Variants in LRP1B observed in about 807,000 individuals in gnomAD.
The protein encoded by LRP1B is LDL receptor related protein 1B, also known as low-density lipoprotein receptor-related protein 1B.
Under a neutral mutation model 556.6 loss-of-function variants are expected in LRP1B, and 217 were observed. The ratio of observed to expected loss-of-function variants is 0.39; its 90% CI spans 0.35 to 0.44. LRP1B has a LOEUF of 0.44. Ranked by LOEUF, LRP1B falls within the 20% of genes least tolerant of loss-of-function variation. The pLI, the probability that LRP1B is intolerant of heterozygous loss-of-function variation, is 1.00. For synonymous variants in LRP1B, 2,047 were observed against 1,865.8 expected (o/e 1.10, Z -2.50); for missense variants, 5,053 against 5,620.8 (o/e 0.90, Z 3.23).
At chr2:141,014,828 A>G (rs910076171) in intron 13 of LRP1B, among the ~76,000 whole-genome samples, 1 of 152,116 alleles carries the variant, frequency 6.6e-6, no homozygotes, top group Non-Finnish European at 1.5e-5. Context: ...ATGCCAACCA[A>G]TTGTACTTAT....
chr2:140,693,856 C>T (rs983734805), intron 41 of LRP1B, among the ~76,000 whole-genome samples: 11 of 151,952 alleles, frequency 7.2e-5, no homozygotes, highest in African/African-American at 1.5e-4. Context: ...TGCAGGCATA[C>T]GACAACATGC....
chr2:140,392,012 T>C (rs550921491), intron 66 of LRP1B, among the ~76,000 whole-genome samples: 2 of 152,234 alleles, frequency 1.3e-5, no homozygotes, highest in South Asian at 2.1e-4. Context: ...GCATGTAGCA[T>C]TGGGCAAATG....
intron 3 of LRP1B, among the ~76,000 whole-genome samples, chr2:141,329,124 A>C (rs1185858871): frequency 6.6e-6 from 1 of 152,154 alleles, no homozygotes; most frequent in Non-Finnish European, 1.5e-5. Context: ...ACAGTGGCTT[A>C]TGCCTGTAAT....
chr2:141,817,994 A>G (rs533053406), intron 1 of LRP1B, among the ~76,000 whole-genome samples: 3 of 152,290 alleles, frequency 2.0e-5, no homozygotes, highest in African/African-American at 7.2e-5. Flanking sequence ...GGATAGATAC[A>G]ATCTTCTGAA....
At chr2:141,157,780 G>A (rs947214507) in intron 7 of LRP1B, among the ~76,000 whole-genome samples, 4 of 152,228 alleles carry the variant, frequency 2.6e-5, no homozygotes, top group Admixed American at 6.5e-5. Context: ...AAAAGCTTAT[G>A]TAGGAACTTT....
intron 6 of LRP1B, among the ~76,000 whole-genome samples, chr2:141,192,477 A>G (rs1414687176): frequency 1.3e-5 from 2 of 151,972 alleles, no homozygotes; most frequent in Admixed American, 6.6e-5. Context: ...GAAAATAACC[A>G]TAATCATTTT....
intron 7 of LRP1B, among the ~76,000 whole-genome samples, chr2:141,153,922 T>C (rs932238509): frequency 6.6e-6 from 1 of 151,614 alleles, no homozygotes; most frequent in Non-Finnish European, 1.5e-5. Flanking sequence ...CTGCCACTCA[T>C]TTTAATGATT....
intron 35 of LRP1B, among the ~76,000 whole-genome samples, chr2:140,746,054 G>A (rs926851678): frequency 6.6e-6 from 1 of 151,970 alleles, no homozygotes; most frequent in Admixed American, 6.6e-5. Context: ...TGAGGATGAG[G>A]CCTATGACAT....
At chr2:141,467,096 ATATG>A (rs1682242825) in intron 3 of LRP1B, among the ~76,000 whole-genome samples, 1 of 4,850 alleles carries the variant, frequency 2.1e-4, no homozygotes, top group African/African-American at 2.7e-4. Context: ...ACACACATAT[ATATG>A]TGTATATATA....
intron 2 of LRP1B, among the ~76,000 whole-genome samples, chr2:141,586,579 A>T (rs1289513730): frequency 1.3e-5 from 2 of 152,192 alleles, no homozygotes; most frequent in Non-Finnish European, 2.9e-5. Flanking sequence ...TGGATATATG[A>T]TGATGTTTAT....
At chr2:141,314,828 G>GTATATA (rs1336670886) in intron 3 of LRP1B, among the ~76,000 whole-genome samples, 1 of 60,964 alleles carries the variant, frequency 1.6e-5, no homozygotes, top group South Asian at 5.2e-4. Context: ...ATATATATAT[G>GTATATA]TGTATATATA....
chr2:141,515,516 G>T lies in LRP1B; in HGVS notation c.206-34983C>A, dbSNP rs190437771. On this transcript the variant is annotated intron_variant, in intron 2 of 90. Coordinates refer to ENST00000389484, the MANE Select transcript of LRP1B (RefSeq NM_018557.3). ...CATTGGTAATAAAATATCAACAATT[G>T]TTACTTAAAATTGCAAAATACTAGA... Among the ~76,000 whole-genome samples the T allele has an allele frequency of 5.4e-4, 82 of 151,788 alleles. 1 individual carries two copies. The highest frequency in any genetic ancestry group is 9.1e-4 in the Non-Finnish European group (62 of 67,962).
chr2:141,425,906 C>T (rs1680344192), intron 3 of LRP1B, among the ~76,000 whole-genome samples: 1 of 150,394 alleles, frequency 6.6e-6, no homozygotes, highest in African/African-American at 2.4e-5. Context: ...TTTTGCTGTG[C>T]AGAAGCTCTT....
At chr2:141,817,144 T>C (rs1696585555) in intron 1 of LRP1B, among the ~76,000 whole-genome samples, 2 of 152,170 alleles carry the variant, frequency 1.3e-5, no homozygotes, top group Non-Finnish European at 2.9e-5. Flanking sequence ...GTGTTTTTCA[T>C]TTATCCTATT....
intron 24 of LRP1B, among the ~76,000 whole-genome samples, chr2:140,885,496 A>G (rs2105190512): frequency 6.6e-6 from 1 of 151,920 alleles, no homozygotes; most frequent in South Asian, 2.1e-4. Flanking sequence ...GAATACAGGC[A>G]TGCACCACCA....
chr2:140,657,474 G>A (rs13008448), intron 41 of LRP1B, among the ~76,000 whole-genome samples: 10,740 of 150,894 alleles, frequency 0.071, 468 homozygotes, highest in East Asian at 0.18. Flanking sequence ...AAATATGGGT[G>A]AACTATAGGC....
chr2:141,099,898 T>G (rs1348635691), intron 7 of LRP1B, among the ~76,000 whole-genome samples: 1 of 152,194 alleles, frequency 6.6e-6, no homozygotes, highest in African/African-American at 2.4e-5. Flanking sequence ...GAAACCTGAA[T>G]ATTACATTGA....
At chr2:140,725,292 GT>G (rs1160416592) in intron 35 of LRP1B, among the ~76,000 whole-genome samples, 1 of 151,436 alleles carries the variant, frequency 6.6e-6, no homozygotes, top group African/African-American at 2.4e-5. Context: ...TTTTATTCCT[GT>G]TCTGTGCCAT....
At chr2:140,584,447 T>A (rs1681903788) in intron 43 of LRP1B, among the ~76,000 whole-genome samples, 1 of 152,038 alleles carries the variant, frequency 6.6e-6, no homozygotes, top group Non-Finnish European at 1.5e-5. Flanking sequence ...GTTATTTTAA[T>A]CTTTGTAGAT....
Sources: allele counts gnomAD v4.1 joint callset (sites outside exome capture counted in the v4.1 genomes callset), GRCh38; gene constraint gnomAD v4.1.1; transcripts MANE v1.5; gene names NCBI Gene and HGNC (gene_info 2026-07-23, HGNC 2026-07-21).